The following KRT14 variants were observed in gnomAD, a reference collection of about 807,000 sequenced individuals.
The protein encoded by KRT14 is keratin, type I cytoskeletal 14.
A neutral mutation model predicts 44.5 loss-of-function variants in KRT14; 30 were observed. That is an observed-to-expected ratio of 0.67 (90% CI 0.50 to 0.92). KRT14 has a LOEUF of 0.92. Among genes scored for constraint, KRT14 ranks in the 40% least tolerant of loss-of-function variants. The probability of loss-of-function intolerance (pLI) is 0.00; values close to 1 mark genes in which losing one functional copy is unlikely to be tolerated. For missense variants in KRT14, 535 were observed against 640.6 expected, an observed-to-expected ratio of 0.84 and a Z score of 1.78; for synonymous variants, 241 against 257.6, an observed-to-expected ratio of 0.94 and a Z score of 0.62.
In KRT14 at chr17:41,584,956, C is replaced by G. The variant is rs752033739; in HGVS notation, c.608+19G>C. The G allele has an allele frequency of 1.2e-6, 2 of 1,601,796 alleles. No homozygotes were observed. Among genetic ancestry groups the G allele is most frequent in the Non-Finnish European group, 1.7e-6 (2 of 1,168,774 alleles). ...ACTCTGGGGACACTGGATGTTCTGG[C>G]CCACCATTTCAAACTCACTTGGTGC... On this transcript the variant is annotated intron_variant, in intron 2 of 7. Transcript: ENST00000167586.
rs765478099 is a variant in KRT14, at chr17:41,585,032, G to T, written c.551C>A (p.Ala184Asp). The T allele has an allele frequency of 1.3e-5, 21 of 1,613,896 alleles. No homozygotes were observed. The highest frequency in any genetic ancestry group is 1.8e-5 in the Non-Finnish European group (21 of 1,179,760). ...NKILTATVDNANVLLQIDNAR... is the reference protein window; with the variant it reads ...NKILTATVDNDNVLLQIDNAR... The stretch of plus-strand genomic sequence containing the variant: ...ATTGTCAATCTGCAGAAGGACATTG[G>T]CATTGTCCACTGTGGCTGTGAGAAT... The change falls in exon 2 of 8, where the codon GCC becomes GAC. Residue 184 changes from alanine to aspartate, a missense_variant. Transcript: ENST00000167586.
In KRT14 at chr17:41,582,360, G is replaced by T. The variant is rs139059056; in HGVS notation, c.*75C>A. On this transcript the variant is annotated 3_prime_UTR_variant, in exon 8 of 8. Transcript: ENST00000167586. ...CAGGGTCCAGCTGTGAAGTGCTTGG[G>T]CAGGAGAGGGGATCTTCCAGTGGGA... 5.6e-5 allele frequency: 64 copies of T among 1,136,766 alleles called. No individual in the cohort carries two copies. The African/African-American group carries it at 8.7e-4, about 16-fold the overall frequency. The allele number at this position is 1,136,766 out of a possible 1,614,324, so 70.4% of individuals were successfully genotyped here. A position where few individuals can be genotyped will look rare whatever the true frequency, so the allele number is the denominator to read the frequency against.
Position 41,584,550 on chromosome 17 carries a change from T to C in KRT14, c.609-137A>G, listed in dbSNP as rs1033905293. 2.7e-5 allele frequency: 23 copies of C among 856,702 alleles called. No individual in the cohort carries two copies. In the African/African-American group the frequency reaches 3.9e-4, roughly 14 times the overall value. The allele number at this position is 856,702 out of a possible 1,614,324, so 53.1% of individuals were successfully genotyped here. ...GGAGCCAATCTTGAAAATGGCGTGG[T>C]TGAACACAGTGCCCATTGATTGCTC... On this transcript the variant is annotated intron_variant, in intron 2 of 7. Coordinates refer to ENST00000167586, the MANE Select transcript of KRT14 (RefSeq NM_000526.5).
At position 41,586,588 on chromosome 17, in the gene KRT14, C is replaced by T. The variant is rs770075340; in HGVS notation, c.247G>A (p.Gly83Ser). 6.2e-7 allele frequency: 1 copy of T among 1,614,022 alleles called. No homozygotes were observed. ...FSSSSSSFGS[G>S]FGGGYGGGLG... ...CCACCACCATATCCTCCCCCAAAGC[C>T]ACTACCAAAGCTGCTGCTGCTGCTG... Residue 83 changes from glycine (G) to serine (S), a missense_variant, in exon 1 of 8, where the codon GGC becomes AGC. Gly to Ser is a moderately conservative substitution (Grantham distance 56). Transcript: ENST00000167586.
At chr17:41,582,819 G>C in intron 7 of KRT14, 1 of 602,478 alleles carries the variant, frequency 1.7e-6, no homozygotes, top group African/African-American at 1.9e-5. Flanking sequence ...AGTGGTCTCA[G>C]TGGGAAGAGC....
rs191376742 is a variant in KRT14 at position 41,586,210 on chromosome 17, C to T, written c.525+100G>A. 3,743 of 1,482,762 alleles carry T rather than the reference C, an allele frequency of 2.5e-3. 11 individuals carry two copies. Among genetic ancestry groups the T allele is most frequent in the Non-Finnish European group, 2.8e-3 (3,033 of 1,064,646 alleles). 91.9% of individuals were successfully genotyped at this position (1,482,762 alleles called of 1,614,324 possible). On this transcript the variant is annotated intron_variant, in intron 1 of 7. Transcript: ENST00000167586. ...CGAAAGAAGGGATCTGGGGTGGACT[C>T]TGTCCTATAGAGAAATCTTAAGGTC...
intron 1 of KRT14, 125 bp downstream of exon 1, chr17:41,586,185 C>T (rs1907517554): frequency 2.3e-6 from 3 of 1,294,870 alleles, no homozygotes; most frequent in Middle Eastern, 2.6e-4. Context: ...TCCAAGACCT[C>T]GAAAGAAGGG....
chr17:41,582,389 G>T lies in KRT14; in HGVS notation c.*46C>A. The T allele has an allele frequency of 7.0e-7, 1 of 1,419,842 alleles. No individual in the cohort carries two copies. The highest frequency in any genetic ancestry group is 9.7e-7 in the Non-Finnish European group (1 of 1,028,218). The allele number at this position is 1,419,842 out of a possible 1,614,324, so 88.0% of individuals were successfully genotyped here. A position where few individuals can be genotyped will look rare whatever the true frequency, so the allele number is the denominator to read the frequency against. On this transcript the variant is annotated 3_prime_UTR_variant, in exon 8 of 8. Coordinates refer to ENST00000167586, the MANE Select transcript of KRT14 (RefSeq NM_000526.5). ...GAGAGGGGATCTTCCAGTGGGATCT[G>T]TGTCCACACGGGGGGCCTCCTAGGC...
intron 7 of KRT14, 160 bp downstream of exon 7, chr17:41,582,934 G>A (rs1283027404): frequency 4.0e-6 from 3 of 747,554 alleles, no homozygotes; most frequent in Non-Finnish European, 7.0e-6. Flanking sequence ...CCCTAAGGAG[G>A]GTTTAGAAAA....
At chr17:41,584,674 G>A (rs1907468399) in intron 2 of KRT14, among the ~76,000 whole-genome samples, 1 of 152,206 alleles carries the variant, frequency 6.6e-6, no homozygotes, top group Non-Finnish European at 1.5e-5. Flanking sequence ...AAATAATGCA[G>A]AAGTCCTCCA....
In KRT14 at chr17:41,586,812, A is replaced by G. The variant is rs1156635262; in HGVS notation, c.23T>C (p.Phe8Ser). Reference sequence around the variant, plus strand: ...GCCCTTCATGGAGCTGGAGGAGGTGAACTGGCGGCTGCAGGTGGTCATGGT... The same window carrying G: ...GCCCTTCATGGAGCTGGAGGAGGTGGACTGGCGGCTGCAGGTGGTCATGGT... MTTCSRQ[F>S]TSSSSMKGSC... Residue 8 changes from phenylalanine to serine, a missense_variant, in exon 1 of 8, where the codon TTC (phenylalanine) becomes TCC (serine). By Grantham distance (155) the Phe-to-Ser change is radical. Transcript: ENST00000167586. 1.3e-6 allele frequency: 2 copies of G among 1,591,944 alleles called. No homozygotes were observed. The highest frequency in any genetic ancestry group is 2.7e-5 in the African/African-American group (2 of 74,424).
At chr17:41,586,202 G>A in intron 1 of KRT14, 108 bp downstream of exon 1, 1 of 1,408,412 alleles carries the variant, frequency 7.1e-7, no homozygotes, top group South Asian at 1.2e-5. Flanking sequence ...AGGGATCTGG[G>A]GTGGACTCTG....
In KRT14 at chr17:41,584,252, C is replaced by T; in HGVS notation, c.765+5G>A. The T allele has an allele frequency of 2.5e-6, 4 of 1,613,682 alleles. No homozygotes were observed. The highest frequency in any genetic ancestry group is 2.5e-6 in the Non-Finnish European group (3 of 1,179,902). ...TTTAAGCTGACTTTTCCATATAGTT[C>T]TCACCTCCTCGTGGTTCTTCTTCAG... On this transcript the variant is annotated splice_donor_5th_base_variant and intron_variant, in intron 3 of 7. Transcript: ENST00000167586.
At chr17:41,583,739 T>C in intron 4 of KRT14, 21 bp downstream of exon 4, 2 of 1,614,252 alleles carry the variant, frequency 1.2e-6, no homozygotes, top group Non-Finnish European at 1.7e-6. Context: ...CTGGGTTCCT[T>C]CCACCTCAAA....
rs1907423817 is a variant in KRT14, at chr17:41,583,766, G to A, written c.921C>T (p.Phe307=). The part of the protein sequence containing the change: ...KNRKDAEEWF[F]TKTEELNREV... Reference sequence around the variant, plus strand: ...CACCTCAAATGACACCCACCTTGGTGAAGAACCATTCCTCGGCATCCTTGC... The same window carrying A: ...CACCTCAAATGACACCCACCTTGGTAAAGAACCATTCCTCGGCATCCTTGC... The change falls in exon 4 of 8, where the codon TTC becomes TTT. Residue 307 remains phenylalanine, a synonymous_variant. Coordinates refer to ENST00000167586, the MANE Select transcript of KRT14 (RefSeq NM_000526.5). The A allele has an allele frequency of 1.2e-6, 2 of 1,614,136 alleles. No homozygotes were observed. Among genetic ancestry groups the A allele is most frequent in the Admixed American group, 3.3e-5 (2 of 60,016 alleles).
Position 41,586,511 on chromosome 17 carries a change from A to G in KRT14, c.324T>C (p.Asp108=), listed in dbSNP as rs773422606. ...GGFGGGFAGG[D]GLLVGSEKVT... ...CCTTCTCACTGCCCACCAGAAGCCC[A>G]TCACCACCAGCAAAGCCACCACCAA... The change falls in exon 1 of 8, where the codon GAT becomes GAC. Residue 108 remains aspartate (D), a synonymous_variant. Coordinates refer to ENST00000167586, the MANE Select transcript of KRT14 (RefSeq NM_000526.5). 2.4e-5 allele frequency: 39 copies of G among 1,613,928 alleles called. No homozygotes were observed. The East Asian group carries it at 7.8e-4, about 32-fold the overall frequency.
chr17:41,584,603 A>T (rs1907465282), intron 2 of KRT14, 190 bp from the exon 3 acceptor site: 1 of 652,244 alleles, frequency 1.5e-6, no homozygotes. Context: ...CGGGCTGGGG[A>T]TAAGGCAGTT....
intron 3 of KRT14, 127 bp from the exon 4 acceptor site, chr17:41,584,048 TCAATCTCTCTCTCTCTCTCTC>T (rs1357247833): frequency 3.4e-6 from 2 of 586,908 alleles, no homozygotes; most frequent in African/African-American, 4.9e-5. Flanking sequence ...TCTCTCTCTC[TCAATCTCTCTCTCTCTCTCTC>T]TTTTTTTTTT....
rs1907457477 is a variant in KRT14 at position 41,584,398 on chromosome 17, C to G, written c.624G>C (p.Leu208Phe). ...DDFRTKYETE[L>F]NLRMSVEADI... ...CGGCTTCCACACTCATGCGCAGGTT[C>G]AACTCTGTCTCATACCTGGAATGAC... Residue 208 changes from leucine (L) to phenylalanine (F), a missense_variant, in exon 3 of 8, where the codon TTG becomes TTC. Transcript: ENST00000167586. 1 of 1,613,944 alleles carries G rather than the reference C, an allele frequency of 6.2e-7. No individual in the cohort carries two copies. Among genetic ancestry groups the G allele is most frequent in the African/African-American group, 1.3e-5 (1 of 74,882 alleles).
Sources: gnomAD v4.1 joint callset for allele counts (sites outside exome capture counted in the v4.1 genomes callset) on GRCh38, gnomAD v4.1.1 for gene constraint, MANE v1.5 for transcripts, NCBI Gene and HGNC (gene_info 2026-07-23, HGNC 2026-07-21) for gene names.